UBTF: variants seen among roughly 807,000 people sequenced by gnomAD.
UBTF encodes the protein nucleolar transcription factor 1.
UBTF carries 8 observed loss-of-function variants against 112.3 expected under a neutral mutation model. The ratio of observed to expected loss-of-function variants is 0.07; its 90% confidence interval spans 0.04 to 0.13. The LOEUF (loss-of-function observed/expected upper bound fraction) is 0.13, where lower values mean the gene tolerates loss of function less well. Ranked by LOEUF, UBTF falls within the 10% of genes least tolerant of loss-of-function variation. UBTF has a pLI of 1.00. For missense variants in UBTF, 457 were observed against 982.1 expected, an observed-to-expected ratio of 0.47 and a Z score of 7.15; for synonymous variants, 417 against 373.1, an observed-to-expected ratio of 1.12 and a Z score of -1.36.
At position 44,205,819 on chromosome 17, in the gene UBTF, T is replaced by G. The variant is rs2056212234; in HGVS notation, c.*1423A>C. On this transcript the variant is annotated 3_prime_UTR_variant, in exon 21 of 21. Transcript: ENST00000436088. ...AACAAAAAAATAAGAACTACAGAGATAAGGTGGCTTGGCTTATTAAGAGTC... is the reference window on the plus strand; with the variant it reads ...AACAAAAAAATAAGAACTACAGAGAGAAGGTGGCTTGGCTTATTAAGAGTC... 1 of 152,148 alleles carries G rather than the reference T, an allele frequency of 6.6e-6. No homozygotes were observed. The highest frequency in any genetic ancestry group is 1.5e-5 in the Non-Finnish European group (1 of 68,024). The allele number at this position is 152,148 out of a possible 1,614,324, so 9.4% of individuals were successfully genotyped here.
At chr17:44,212,135 C>T in intron 8 of UBTF, 129 bp from the exon 9 acceptor site, 2 of 947,782 alleles carry the variant, frequency 2.1e-6, no homozygotes, top group Middle Eastern at 2.5e-4. Flanking sequence ...AGTGGTGTCA[C>T]ACGAGACGTG....
chr17:44,218,111 C>T (rs1598269281), intron 2 of UBTF, 61 bp downstream of exon 2: 1 of 1,541,426 alleles, frequency 6.5e-7, no homozygotes. Flanking sequence ...AGGGAGTGAG[C>T]CCCGCAGCCA....
Position 44,210,873 on chromosome 17 carries a change from C to T in UBTF, c.1278G>A (p.Gln426=), listed in dbSNP as rs2056629257. The T allele has an allele frequency of 6.3e-7, 1 of 1,587,478 alleles. No homozygotes were observed. The highest frequency in any genetic ancestry group is 8.6e-7 in the Non-Finnish European group (1 of 1,167,092). Residue 426 remains glutamine (Q), a synonymous_variant, in exon 13 of 21, where the codon CAG becomes CAA. Transcript: ENST00000436088. ...TCTCGGAGAGCTCAGGCCGCTCCTC[C>T]TGCAGCTGCCGCCGTTTCTCCTCCG... The part of the protein sequence containing the change: ...IFSEEKRRQL[Q]EERPELSESE...
intron 2 of UBTF, among the ~76,000 whole-genome samples, chr17:44,217,294 A>C (rs938399750): frequency 6.6e-6 from 1 of 152,184 alleles, no homozygotes; most frequent in Non-Finnish European, 1.5e-5. Flanking sequence ...AATAAGAAAA[A>C]GGAAACAGAA....
rs1332758887 is a variant in UBTF, at chr17:44,210,385, T to A, written c.1448A>T (p.Glu483Val). Residue 483 changes from glutamate to valine, a missense_variant, in exon 14 of 21, where the codon GAG (glutamate) becomes GTG (valine). Transcript: ENST00000436088. ...GEREERGKLP[E>V]SPKRAEEIWQ... is the part of the protein sequence containing the mutation. ...GATCTCCTCAGCTCTTTTGGGGGACTCGGGCAGCTTGCCCCGTTCCTCGCG... is the reference window on the plus strand; with the variant it reads ...GATCTCCTCAGCTCTTTTGGGGGACACGGGCAGCTTGCCCCGTTCCTCGCG... The A allele has an allele frequency of 3.7e-6, 6 of 1,614,082 alleles. No individual in the cohort carries two copies. The highest frequency in any genetic ancestry group is 5.1e-6 in the Non-Finnish European group (6 of 1,180,040).
intron 1 of UBTF, chr17:44,218,871 C>G (rs1028673715): frequency 3.3e-5 from 5 of 151,442 alleles, no homozygotes; most frequent in Non-Finnish European, 7.4e-5. Context: ...GCCGCTCCCC[C>G]CTCCCGGGCT....
chr17:44,212,229 C>T, intron 8 of UBTF, 115 bp downstream of exon 8: 1 of 912,692 alleles, frequency 1.1e-6, no homozygotes, highest in Non-Finnish European at 1.7e-6. Flanking sequence ...CCAGAAGGCC[C>T]CTCCCTCAAC....
chr17:44,213,106 G>C, intron 6 of UBTF, 112 bp downstream of exon 6: 8 of 1,535,364 alleles, frequency 5.2e-6, no homozygotes, highest in Non-Finnish European at 7.1e-6. Flanking sequence ...GCTCACATGT[G>C]ACCCATCCTC....
In UBTF at chr17:44,210,330, C is replaced by T; in HGVS notation, c.1503G>A (p.Leu501=). 9.3e-6 allele frequency: 15 copies of T among 1,614,260 alleles called. No homozygotes were observed. The highest frequency in any genetic ancestry group is 1.3e-5 in the Non-Finnish European group (15 of 1,180,046). The change falls in exon 14 of 21, where the codon CTG becomes CTA. Residue 501 remains leucine (L), a synonymous_variant. Coordinates refer to ENST00000436088, the MANE Select transcript of UBTF (RefSeq NM_014233.4). ...IWQQSVIGDY[L]ARFKNDRVKA... ...CCACCCCTGTCACCTTGAAGCGGGCCAGGTAGTCGCCGATAACGCTCTGTT... is the reference window on the plus strand; with the variant it reads ...CCACCCCTGTCACCTTGAAGCGGGCTAGGTAGTCGCCGATAACGCTCTGTT...
At chr17:44,220,589 C>T (rs1483894303), upstream of UBTF, among the ~76,000 whole-genome samples, 1 of 152,078 alleles carries the variant, frequency 6.6e-6, no homozygotes, top group South Asian at 2.1e-4. Flanking sequence ...GGCAAGGGAA[C>T]GACGGGCTCC....
chr17:44,220,676 C>G (rs988911073), upstream of UBTF: 6 of 152,226 alleles, frequency 3.9e-5, no homozygotes, highest in African/African-American at 1.4e-4. Flanking sequence ...GCATGAAGAT[C>G]GGCGCCGCCG....
In UBTF at chr17:44,218,314, G is replaced by C; in HGVS notation, c.-67-18C>G. 2 of 1,471,752 alleles carry C rather than the reference G, an allele frequency of 1.4e-6. No homozygotes were observed. The highest frequency in any genetic ancestry group is 1.9e-6 in the Non-Finnish European group (2 of 1,066,924). The allele number at this position is 1,471,752 out of a possible 1,614,324, so 91.2% of individuals were successfully genotyped here. A position where few individuals can be genotyped will look rare whatever the true frequency, so the allele number is the denominator to read the frequency against. ...ACCTCACCCTTTGGAAGACATACCA[G>C]TTCCCACTCAGGAAGGCTGAGAGGT... On this transcript the variant is annotated intron_variant, in intron 1 of 20. Transcript: ENST00000436088.
At position 44,215,708 on chromosome 17, in the gene UBTF, C is replaced by T. The variant is rs935984296; in HGVS notation, c.420G>A (p.Leu140=). ...YAKLHPEMSN[L]DLTKILSKKY... is the part of the protein sequence containing the mutation. ...TCTTGGACAGAATCTTGGTTAGGTC[C>T]AGGTTGCTCATCTCAGGGTGGAGTT... Residue 140 remains leucine (L), a synonymous_variant, in exon 5 of 21, where the codon CTG becomes CTA. Transcript: ENST00000436088. The T allele has an allele frequency of 1.5e-5, 25 of 1,614,128 alleles. No homozygotes were observed. The highest frequency in any genetic ancestry group is 1.8e-5 in the Non-Finnish European group (21 of 1,180,008).
In UBTF at chr17:44,209,344, CCT is replaced by C. The variant is rs1358261904; in HGVS notation, c.1905+6_1905+7del. On this transcript the variant is annotated splice_donor_region_variant and intron_variant, in intron 17 of 20. Transcript: ENST00000436088. The stretch of plus-strand genomic sequence containing the variant: ...TCTGTTCCTTCCAAGGGTCCCTTGC[CCT>C]CTCACCTTAACCCAGAGGTCCAGGT... The C allele has an allele frequency of 2.0e-5, 32 of 1,586,354 alleles. No individual in the cohort carries two copies. Among genetic ancestry groups the C allele is most frequent in the Non-Finnish European group, 2.8e-5 (32 of 1,163,100 alleles).
intron 7 of UBTF, 123 bp from the exon 8 acceptor site, chr17:44,212,577 C>T: frequency 1.9e-6 from 2 of 1,044,782 alleles, no homozygotes; most frequent in Non-Finnish European, 2.8e-6. Flanking sequence ...GTGTCCCCCA[C>T]AGGCCAGGAG....
chr17:44,218,450 G>A (rs1481795382), intron 1 of UBTF, 154 bp from the exon 2 acceptor site: 2 of 530,976 alleles, frequency 3.8e-6, no homozygotes, highest in Non-Finnish European at 6.6e-6. Context: ...ATGGGAGTGC[G>A]CCCCTCCTCT....
intron 5 of UBTF, 79 bp downstream of exon 5, chr17:44,215,575 G>T: frequency 6.4e-7 from 1 of 1,563,552 alleles, no homozygotes; most frequent in Non-Finnish European, 8.7e-7. Context: ...TTTCTCCAAG[G>T]CCTACCTCCA....
At chr17:44,213,803 C>T (rs912632888) in intron 5 of UBTF, among the ~76,000 whole-genome samples, 2 of 152,118 alleles carry the variant, frequency 1.3e-5, no homozygotes, top group African/African-American at 2.4e-5. Flanking sequence ...GAACCCAGAG[C>T]GAGTTCTTCC....
chr17:44,212,689 T>G lies in UBTF; in HGVS notation c.660+130A>C, dbSNP rs955349062. On this transcript the variant is annotated intron_variant, in intron 7 of 20. Coordinates refer to ENST00000436088, the MANE Select transcript of UBTF (RefSeq NM_014233.4). Reference sequence around the variant, plus strand: ...TGCACGCCAGCTGGCCCGGGCCCTGTCCATGCAGCCCACCCCTGGGGAGGG... The same window carrying G: ...TGCACGCCAGCTGGCCCGGGCCCTGGCCATGCAGCCCACCCCTGGGGAGGG... 3.2e-5 allele frequency: 48 copies of G among 1,497,040 alleles called. No homozygotes were observed. The African/African-American group carries it at 5.0e-4, about 16-fold the overall frequency. The allele number at this position is 1,497,040 out of a possible 1,614,324, so 92.7% of individuals were successfully genotyped here.
Sources: gnomAD v4.1 joint callset for allele counts (sites outside exome capture counted in the v4.1 genomes callset) on GRCh38, gnomAD v4.1.1 for gene constraint, MANE v1.5 for transcripts, NCBI Gene and HGNC (gene_info 2026-07-23, HGNC 2026-07-21) for gene names.